The following ADARB2 variants were observed in gnomAD, a reference collection of about 807,000 sequenced individuals.
ADARB2 encodes inactive double-stranded RNA-specific editase B2.
In ADARB2, 25 loss-of-function variants were observed where a neutral mutation model predicts 62.2. The observed-to-expected ratio is 0.40, with a 90% CI of 0.29 to 0.56. The LOEUF is 0.56. Ranked by LOEUF, ADARB2 falls within the 20% of genes least tolerant of loss-of-function variation. The probability of loss-of-function intolerance (pLI) is 0.43; values close to 1 mark genes in which losing one functional copy is unlikely to be tolerated. For missense variants in ADARB2, 1,071 were observed against 1,077.4 expected, an observed-to-expected ratio of 0.99 and a Z score of 0.08; for synonymous variants, 572 against 500.8, an observed-to-expected ratio of 1.14 and a Z score of -1.90.
intron 1 of ADARB2, among the ~76,000 whole-genome samples, chr10:1,628,448 A>G (rs1273535210): frequency 2.6e-5 from 4 of 152,244 alleles, no homozygotes; most frequent in Admixed American, 2.6e-4. Flanking sequence ...AGGCACCGGG[A>G]GGAACTTAAT....
chr10:1,460,909 G>A lies in ADARB2; in HGVS notation c.101-81749C>T, dbSNP rs1313480177. On this transcript the variant is annotated intron_variant, in intron 1 of 9. Transcript: ENST00000381312. ...GTTTACCTGCGTTACGAACCTGCCT[G>A]TGACCTGAGTTTACCTGCGTAACAA... 2.2e-4 allele frequency among the ~76,000 whole-genome samples: 34 copies of A among 151,420 alleles called. 2 individuals are homozygous for A. Among genetic ancestry groups the A allele is most frequent in the African/African-American group, 8.3e-4 (34 of 41,100 alleles).
At chr10:1,349,897 G>A (rs994109131) in intron 3 of ADARB2, among the ~76,000 whole-genome samples, 1 of 152,078 alleles carries the variant, frequency 6.6e-6, no homozygotes, top group Non-Finnish European at 1.5e-5. Context: ...CAGGTCAATT[G>A]TGGGGACGCC....
intron 6 of ADARB2, among the ~76,000 whole-genome samples, chr10:1,231,231 G>A (rs1199172696): frequency 6.6e-6 from 1 of 152,192 alleles, no homozygotes; most frequent in East Asian, 1.9e-4. Flanking sequence ...CATTTGGCGG[G>A]ACTTTTCCTC....
intron 1 of ADARB2, among the ~76,000 whole-genome samples, chr10:1,449,116 G>A (rs111488738): frequency 1.5e-3 from 232 of 152,290 alleles, no homozygotes; most frequent in African/African-American, 5.0e-3. Context: ...CTTTCCATGA[G>A]TCTGGATGAG....
chr10:1,236,284 C>T (rs1416651119), intron 5 of ADARB2, among the ~76,000 whole-genome samples: 3 of 25,476 alleles, frequency 1.2e-4, no homozygotes, highest in African/African-American at 2.3e-4. Context: ...CTCCCCTCTG[C>T]CTCCCGGTGT....
intron 1 of ADARB2, among the ~76,000 whole-genome samples, chr10:1,629,154 T>C (rs763956769): frequency 6.6e-6 from 1 of 152,206 alleles, no homozygotes; most frequent in African/African-American, 2.4e-5. Context: ...TAGGTTATTA[T>C]TTTTTAATTT....
chr10:1,299,905 T>A (rs1235951697), intron 3 of ADARB2, among the ~76,000 whole-genome samples: 1 of 152,206 alleles, frequency 6.6e-6, no homozygotes, highest in African/African-American at 2.4e-5. Flanking sequence ...CAGTTGCTAC[T>A]TGAATGTGGC....
At chr10:1,553,469 T>C (rs1235110242) in intron 1 of ADARB2, among the ~76,000 whole-genome samples, 2 of 152,088 alleles carry the variant, frequency 1.3e-5, no homozygotes, top group African/African-American at 2.4e-5. Flanking sequence ...GAGGCTTCCA[T>C]GGAAAGCCAG....
At chr10:1,504,191 A>G (rs888632775) in intron 1 of ADARB2, among the ~76,000 whole-genome samples, 8 of 151,790 alleles carry the variant, frequency 5.3e-5, no homozygotes, top group African/African-American at 1.9e-4. Context: ...TGCAGCTCCA[A>G]CCCCCTTTAA....
intron 1 of ADARB2, among the ~76,000 whole-genome samples, chr10:1,439,356 G>A: frequency 1.5e-5 from 2 of 137,816 alleles, no homozygotes; most frequent in African/African-American, 2.8e-5. Context: ...GGGCTCCTGA[G>A]TCTCCTCAGC....
At position 1,428,650 on chromosome 10, in the gene ADARB2, GGTT is replaced by G. The variant is rs1588254735; in HGVS notation, c.101-49493_101-49491del. Among the ~76,000 whole-genome samples, 6 of 152,114 alleles carry G rather than the reference GGTT, an allele frequency of 3.9e-5. No homozygotes were observed. The East Asian group carries it at 7.8e-4, about 20-fold the overall frequency. On this transcript the variant is annotated intron_variant, in intron 1 of 9. Coordinates refer to ENST00000381312, the MANE Select transcript of ADARB2 (RefSeq NM_018702.4). Reference sequence around the variant, plus strand: ...CTATGGAAATGGAGAACAGATTAGTGGTTGTCATGGGTTAGAGATTGGGGGCTG... The same window carrying G: ...CTATGGAAATGGAGAACAGATTAGTGGTCATGGGTTAGAGATTGGGGGCTG...
rs550692392 is a variant in ADARB2 at position 1,552,381 on chromosome 10, C to T, written c.101-173221G>A. Among the ~76,000 whole-genome samples, 3 of 152,282 alleles carry T rather than the reference C, an allele frequency of 2.0e-5. No homozygotes were observed. In the East Asian group the frequency reaches 5.8e-4, roughly 29 times the overall value. On this transcript the variant is annotated intron_variant, in intron 1 of 9. Coordinates refer to ENST00000381312, the MANE Select transcript of ADARB2 (RefSeq NM_018702.4). The stretch of plus-strand genomic sequence containing the variant: ...AATGCCTGCAGACCCACGGGTGATG[C>T]CTTTTAGAGAGTGGGTGAAGAGAAG...
chr10:1,398,440 G>T lies in ADARB2; in HGVS notation c.101-19280C>A, dbSNP rs569500360. Among the ~76,000 whole-genome samples, 2 of 152,268 alleles carry T rather than the reference G, an allele frequency of 1.3e-5. No individual in the cohort carries two copies. The highest frequency in any genetic ancestry group is 2.1e-4 in the South Asian group (1 of 4,828). On this transcript the variant is annotated intron_variant, in intron 1 of 9. Transcript: ENST00000381312. The surrounding 1 kb of genome is among the most constrained non-coding windows in gnomAD (Gnocchi z 4.1). The stretch of plus-strand genomic sequence containing the variant: ...TGGGAGGGAGACGGGTTTCTTCCTT[G>T]GTCCTCCCACTCGCTCCTGTTTTTC...
intron 1 of ADARB2, among the ~76,000 whole-genome samples, chr10:1,630,999 AT>A (rs1252781765): frequency 2.0e-5 from 3 of 152,000 alleles, no homozygotes; most frequent in African/African-American, 7.3e-5. Context: ...AAACAAATAA[AT>A]GAAAGAAAGA....
chr10:1,300,399 C>T (rs1012464298), intron 3 of ADARB2, among the ~76,000 whole-genome samples: 5 of 152,196 alleles, frequency 3.3e-5, no homozygotes, highest in Non-Finnish European at 7.3e-5. Context: ...GCCAGCTCCA[C>T]GCCCCCCACA....
intron 1 of ADARB2, among the ~76,000 whole-genome samples, chr10:1,656,164 T>C (rs1834170091): frequency 6.6e-6 from 1 of 152,234 alleles, no homozygotes; most frequent in Admixed American, 6.5e-5. Context: ...AACTACATCA[T>C]AACGTAATCT....
chr10:1,664,701 G>A (rs1834292860), intron 1 of ADARB2, among the ~76,000 whole-genome samples: 1 of 152,156 alleles, frequency 6.6e-6, no homozygotes, highest in Non-Finnish European at 1.5e-5. Context: ...AGACTGGGGA[G>A]ATGAAGTAAC....
chr10:1,660,285 G>C (rs1243826309), intron 1 of ADARB2, among the ~76,000 whole-genome samples: 1 of 152,232 alleles, frequency 6.6e-6, no homozygotes. Flanking sequence ...AACAGCACTT[G>C]GGTGTTGTTT....
chr10:1,715,088 T>C (rs1835001842), intron 1 of ADARB2, among the ~76,000 whole-genome samples: 1 of 146,190 alleles, frequency 6.8e-6, no homozygotes, highest in African/African-American at 2.5e-5. Flanking sequence ...TGATATCTGC[T>C]CTCATTCTTT....
Sources: gnomAD v4.1 joint callset for allele counts (sites outside exome capture counted in the v4.1 genomes callset) on GRCh38, gnomAD v4.1.1 for gene constraint, Gnocchi (gnomAD v3.1) non-coding constraint, MANE v1.5 for transcripts, NCBI Gene and HGNC (gene_info 2026-07-23, HGNC 2026-07-21) for gene names.